The following KLF12 variants were observed in gnomAD, a reference collection of about 807,000 sequenced individuals.
The protein encoded by KLF12 is KLF transcription factor 12.
KLF12 carries 9 observed loss-of-function variants against 37.8 expected under a neutral mutation model. That is an observed-to-expected ratio of 0.24 (90% CI 0.14 to 0.42). The LOEUF (loss-of-function observed/expected upper bound fraction) is 0.42. Among genes scored for constraint, KLF12 ranks in the 10% least tolerant of loss-of-function variants. The pLI, the probability that KLF12 is intolerant of heterozygous loss-of-function variation, is 1.00. For missense variants in KLF12, 411 were observed against 516.0 expected (o/e 0.80, Z 1.97); for synonymous variants, 208 against 202.1 (o/e 1.03, Z -0.25).
chr13:74,275,242 A>C, the KLF12 span, among the ~76,000 whole-genome samples: 2 of 152,332 alleles, frequency 1.3e-5, no homozygotes, highest in Admixed American at 1.3e-4. Context: ...AGAGCAGTAC[A>C]AAATGAAGTC....
In KLF12 at chr13:73,879,206, C is replaced by A. The variant is rs77039629; in HGVS notation, c.124-32833G>T. 6.4e-4 allele frequency among the ~76,000 whole-genome samples: 97 copies of A among 152,260 alleles called. 2 individuals are homozygous for A. The East Asian group carries it at 0.018, about 29-fold the overall frequency. Reference sequence around the variant, plus strand: ...GTTCAGTGAGTATTACACTGTCTTTCACATGGTTTTATTTCTGCTTATGCT... The same window carrying A: ...GTTCAGTGAGTATTACACTGTCTTTAACATGGTTTTATTTCTGCTTATGCT... On this transcript the variant is annotated intron_variant, in intron 3 of 7. Coordinates refer to ENST00000377669, the MANE Select transcript of KLF12 (RefSeq NM_007249.5).
intron 6 of KLF12, among the ~76,000 whole-genome samples, chr13:73,733,337 T>A (rs1877212264): frequency 6.6e-6 from 1 of 152,098 alleles, no homozygotes; most frequent in Non-Finnish European, 1.5e-5. Flanking sequence ...CCTGGTAACC[T>A]CTACTATATT....
At chr13:74,284,137 A>G in the KLF12 span, among the ~76,000 whole-genome samples, 3 of 152,098 alleles carry the variant, frequency 2.0e-5, no homozygotes, top group East Asian at 3.9e-4. Context: ...GATTACAGGC[A>G]TGAGCCACCA....
At chr13:73,900,795 C>T (rs1229998332) in intron 3 of KLF12, among the ~76,000 whole-genome samples, 1 of 152,086 alleles carries the variant, frequency 6.6e-6, no homozygotes, top group African/African-American at 2.4e-5. Flanking sequence ...TAGATGTATT[C>T]CTCATGACTA....
intron 3 of KLF12, among the ~76,000 whole-genome samples, chr13:73,851,215 T>C (rs1182661360): frequency 1.3e-5 from 2 of 152,208 alleles, no homozygotes; most frequent in Non-Finnish European, 2.9e-5. Flanking sequence ...ACTTACTCTA[T>C]TACTAAAACT....
At chr13:74,254,150 T>C in the KLF12 span, among the ~76,000 whole-genome samples, 1 of 152,234 alleles carries the variant, frequency 6.6e-6, no homozygotes, top group Non-Finnish European at 1.5e-5. Flanking sequence ...TGTGTGTTTT[T>C]ATTTACTGAG....
chr13:74,014,412 T>C (rs1892635709), intron 1 of KLF12, among the ~76,000 whole-genome samples: 1 of 152,220 alleles, frequency 6.6e-6, no homozygotes, highest in Non-Finnish European at 1.5e-5. Context: ...ATGGTAAAGT[T>C]ATGCTGGCTG....
chr13:74,061,773 C>T (rs1472283185), intron 1 of KLF12, among the ~76,000 whole-genome samples: 4 of 152,156 alleles, frequency 2.6e-5, no homozygotes, highest in African/African-American at 4.8e-5. Flanking sequence ...GGTTCAACTA[C>T]TTTGAATACG....
At chr13:73,957,231 T>C (rs1452749277) in intron 2 of KLF12, among the ~76,000 whole-genome samples, 2 of 152,122 alleles carry the variant, frequency 1.3e-5, no homozygotes, top group South Asian at 2.1e-4. Flanking sequence ...ATCATACTTA[T>C]AATTTGCTTC....
At chr13:73,695,777 G>A (rs748358755) in intron 7 of KLF12, 106 bp from the exon 8 acceptor site, 41 of 1,082,002 alleles carry the variant, frequency 3.8e-5, no homozygotes, top group South Asian at 7.5e-5. Context: ...GAATTTTCCC[G>A]TTGGTAAATC....
At chr13:73,945,471 AAAAT>A (rs1163333541) in intron 2 of KLF12, among the ~76,000 whole-genome samples, 2 of 152,212 alleles carry the variant, frequency 1.3e-5, no homozygotes, top group South Asian at 2.1e-4. Context: ...CTCCATCTCA[AAAAT>A]AAATAAATAA....
chr13:74,007,435 T>C (rs1043592822), intron 1 of KLF12, among the ~76,000 whole-genome samples: 1 of 36,050 alleles, frequency 2.8e-5, no homozygotes, highest in Admixed American at 1.9e-4. Context: ...CCACGCCCGG[T>C]AATTTTTTTT....
rs11840715 is a variant in KLF12, at chr13:74,081,570, A to T, written c.-32+52169T>A. ...ATGTTATTTATCAACTTAACCATTC[A>T]CTCAACAGACAATGGATCTGCCATG... On this transcript the variant is annotated intron_variant, in intron 1 of 7. Transcript: ENST00000377669. Among the ~76,000 whole-genome samples the T allele has an allele frequency of 3.9e-3, 598 of 152,226 alleles. 7 individuals carry two copies. The highest frequency in any genetic ancestry group is 0.014 in the African/African-American group (581 of 41,544).
intron 3 of KLF12, among the ~76,000 whole-genome samples, chr13:73,850,135 A>G (rs1174307615): frequency 6.6e-6 from 1 of 152,224 alleles, no homozygotes; most frequent in Non-Finnish European, 1.5e-5. Context: ...ATTAAAAACA[A>G]TGTGTGTGAA....
chr13:73,749,246 TAAAAAG>T (rs889109798), intron 6 of KLF12, among the ~76,000 whole-genome samples: 26 of 152,154 alleles, frequency 1.7e-4, no homozygotes, highest in Non-Finnish European at 2.4e-4. Flanking sequence ...GCTAAGAGAT[TAAAAAG>T]AAAAAAAGAT....
the KLF12 span, among the ~76,000 whole-genome samples, chr13:74,280,825 C>CTTTT: frequency 2.0e-4 from 22 of 110,552 alleles, no homozygotes; most frequent in African/African-American, 7.1e-4. Flanking sequence ...TTTCTTTTTT[C>CTTTT]TTTTTTTTTT....
At chr13:74,215,881 CTT>C in the KLF12 span, among the ~76,000 whole-genome samples, 1 of 152,250 alleles carries the variant, frequency 6.6e-6, no homozygotes, top group Non-Finnish European at 1.5e-5. Context: ...TTCAGCATCT[CTT>C]TTCTTCTTTC....
At chr13:73,950,030 A>G (rs1890585632) in intron 2 of KLF12, among the ~76,000 whole-genome samples, 1 of 152,180 alleles carries the variant, frequency 6.6e-6, no homozygotes, top group Admixed American at 6.5e-5. Flanking sequence ...CTTCCATTAA[A>G]ATCCTCACAT....
At chr13:73,822,455 T>G (rs1168572452) in intron 4 of KLF12, among the ~76,000 whole-genome samples, 2 of 152,172 alleles carry the variant, frequency 1.3e-5, no homozygotes, top group South Asian at 4.1e-4. Context: ...TTAGGCTGGG[T>G]GTGGTGGCTC....
Sources: gnomAD v4.1 joint callset for allele counts (sites outside exome capture counted in the v4.1 genomes callset) on GRCh38, gnomAD v4.1.1 for gene constraint, MANE v1.5 for transcripts, NCBI Gene and HGNC (gene_info 2026-07-23, HGNC 2026-07-21) for gene names.